The following LHFPL2 variants were observed in gnomAD, a reference collection of about 807,000 sequenced individuals.
The protein encoded by LHFPL2 is LHFPL tetraspan subfamily member 2, also known as LHFPL tetraspan subfamily member 2 protein.
A neutral mutation model predicts 17.5 loss-of-function variants in LHFPL2; 7 were observed. That is an observed-to-expected ratio of 0.40 (90% CI 0.23 to 0.75). The LOEUF is 0.75. Among genes scored for constraint, LHFPL2 ranks in the 30% least tolerant of loss-of-function variants. The probability of loss-of-function intolerance (pLI) is 0.37; values close to 1 mark genes in which losing one functional copy is unlikely to be tolerated. For missense variants in LHFPL2, 241 were observed against 294.8 expected (o/e 0.82, Z 1.34); for synonymous variants, 134 against 116.2 (o/e 1.15, Z -0.99).
At chr5:78,501,952 ACAAG>A (rs1034182540) in intron 4 of LHFPL2, among the ~76,000 whole-genome samples, 3 of 152,142 alleles carry the variant, frequency 2.0e-5, no homozygotes, top group Admixed American at 2.0e-4. Context: ...GATTTCAGAG[ACAAG>A]CAAGAGAAAA....
rs921588621 is a variant in LHFPL2, at chr5:78,648,064, G to A, written c.-350+435C>T. Among the ~76,000 whole-genome samples the A allele has an allele frequency of 3.9e-5, 6 of 152,162 alleles. No individual in the cohort carries two copies. Among genetic ancestry groups the A allele is most frequent in the African/African-American group, 1.4e-4 (6 of 41,442 alleles). ...ACCCACACGCCACGGACCAGGGACA[G>A]CAGGGGCGACCACGGGGCGGCCCCC... On this transcript the variant is annotated intron_variant, in intron 1 of 4. Coordinates refer to ENST00000380345, the MANE Select transcript of LHFPL2 (RefSeq NM_005779.3). This position sits in a 1 kb window ranked among gnomAD's most constrained non-coding sequence, Gnocchi z 5.4.
chr5:78,507,035 A>C (rs557769939), intron 4 of LHFPL2, among the ~76,000 whole-genome samples: 6 of 152,294 alleles, frequency 3.9e-5, no homozygotes, highest in African/African-American at 1.4e-4. Flanking sequence ...AAAAGTCAGA[A>C]AAAACTCACT....
intron 1 of LHFPL2, among the ~76,000 whole-genome samples, chr5:78,641,033 G>A (rs1174588458): frequency 6.6e-6 from 1 of 152,230 alleles, no homozygotes; most frequent in East Asian, 1.9e-4. Flanking sequence ...AGTACAGAGA[G>A]TAGGAGAGCC....
chr5:78,621,185 T>G (rs565439930), intron 2 of LHFPL2, among the ~76,000 whole-genome samples: 1 of 152,130 alleles, frequency 6.6e-6, no homozygotes, highest in Non-Finnish European at 1.5e-5. Context: ...CCTTAAAGGA[T>G]TCAGTATTCA....
chr5:78,609,351 T>C (rs1744332088), intron 2 of LHFPL2, among the ~76,000 whole-genome samples: 1 of 146,390 alleles, frequency 6.8e-6, no homozygotes, highest in Non-Finnish European at 1.5e-5. Flanking sequence ...TTTGGGAGGC[T>C]GAGGCAGGAG....
intron 3 of LHFPL2, among the ~76,000 whole-genome samples, chr5:78,545,051 T>G (rs1293987466): frequency 6.6e-6 from 1 of 152,140 alleles, no homozygotes; most frequent in African/African-American, 2.4e-5. Context: ...AAACACTCCC[T>G]TGTAGGAATT....
chr5:78,532,422 G>T (rs1755813730), intron 3 of LHFPL2, among the ~76,000 whole-genome samples: 1 of 152,072 alleles, frequency 6.6e-6, no homozygotes, highest in Non-Finnish European at 1.5e-5. Context: ...GCCTCCTGTG[G>T]TCATCCTACA....
chr5:78,536,701 T>C (rs1755959545), intron 3 of LHFPL2, among the ~76,000 whole-genome samples: 1 of 152,252 alleles, frequency 6.6e-6, no homozygotes, highest in East Asian at 1.9e-4. Context: ...TAAGTCATTA[T>C]GTCTATTATA....
At chr5:78,534,885 A>G (rs1026669350) in intron 3 of LHFPL2, among the ~76,000 whole-genome samples, 13 of 152,290 alleles carry the variant, frequency 8.5e-5, no homozygotes, top group Admixed American at 3.3e-4. Flanking sequence ...CTGGGGAGAA[A>G]CACTGCCAAA....
Position 78,648,323 on chromosome 5 carries a change from G to T in LHFPL2, c.-350+176C>A, listed in dbSNP as rs1745963356. ...CGCCCATCCCGCAGCACCTCCGACC[G>T]CTCGGCGCGGTCTCCCAGGGCGCCG... On this transcript the variant is annotated intron_variant, in intron 1 of 4. Transcript: ENST00000380345. The surrounding 1 kb of genome is among the most constrained non-coding windows in gnomAD (Gnocchi z 5.4). Among the ~76,000 whole-genome samples, 1 of 151,946 alleles carries T rather than the reference G, an allele frequency of 6.6e-6. No individual in the cohort carries two copies. Among genetic ancestry groups the T allele is most frequent in the South Asian group, 2.1e-4 (1 of 4,824 alleles).
chr5:78,512,767 C>CT (rs34696428), intron 3 of LHFPL2, among the ~76,000 whole-genome samples: 10,405 of 137,780 alleles, frequency 0.076, 1,016 homozygotes, highest in African/African-American at 0.23. Context: ...TTTTTCTTTT[C>CT]TTTTTTTTTT....
At chr5:78,574,435 AG>A (rs1164737612) in intron 2 of LHFPL2, among the ~76,000 whole-genome samples, 1 of 152,250 alleles carries the variant, frequency 6.6e-6, no homozygotes, top group African/African-American at 2.4e-5. Context: ...GTCTGGCCAG[AG>A]GGCCCAGCTC....
intron 1 of LHFPL2, among the ~76,000 whole-genome samples, chr5:78,637,780 C>A (rs1745507510): frequency 6.6e-6 from 1 of 152,224 alleles, no homozygotes; most frequent in Non-Finnish European, 1.5e-5. Context: ...GAATCCTAGG[C>A]CCTACCCAGC....
At chr5:78,523,519 CAA>C (rs1488448776) in intron 3 of LHFPL2, among the ~76,000 whole-genome samples, 2 of 151,892 alleles carry the variant, frequency 1.3e-5, no homozygotes, top group Non-Finnish European at 2.9e-5. Flanking sequence ...GGAAATCTGC[CAA>C]AGAGACAGAG....
At position 78,544,446 on chromosome 5, in the gene LHFPL2, TAG is replaced by T. The variant is rs1756207353; in HGVS notation, c.-186+20365_-186+20366del. On this transcript the variant is annotated intron_variant, in intron 3 of 4. Transcript: ENST00000380345. ...CTTCAGCACTCCTGAATTGACATAG[TAG>T]GGGACAGGGGTAGACATAAAAAAAA... Among the ~76,000 whole-genome samples, 10 of 152,200 alleles carry T rather than the reference TAG, an allele frequency of 6.6e-5. 1 individual carries two copies. In the South Asian group the frequency reaches 2.1e-3, roughly 32 times the overall value.
chr5:78,525,625 T>C (rs796946873), intron 3 of LHFPL2, among the ~76,000 whole-genome samples: 7 of 152,138 alleles, frequency 4.6e-5, no homozygotes, highest in African/African-American at 1.4e-4. Context: ...CCTTGGAGGA[T>C]AAAGTGGGGA....
intron 3 of LHFPL2, among the ~76,000 whole-genome samples, chr5:78,533,100 C>T (rs1755834883): frequency 6.6e-6 from 1 of 152,210 alleles, no homozygotes; most frequent in African/African-American, 2.4e-5. Flanking sequence ...TCTGCCTCCT[C>T]AGGATGCTAA....
intron 1 of LHFPL2, among the ~76,000 whole-genome samples, chr5:78,638,420 G>T (rs1745539637): frequency 6.6e-6 from 1 of 152,188 alleles, no homozygotes; most frequent in South Asian, 2.1e-4. Context: ...AGTTCTGATT[G>T]TGTCTCACAT....
At chr5:78,539,954 G>C (rs1163198327) in intron 3 of LHFPL2, among the ~76,000 whole-genome samples, 7 of 151,956 alleles carry the variant, frequency 4.6e-5, no homozygotes, top group Non-Finnish European at 7.4e-5. Context: ...GGACCACACA[G>C]TCGAGCATTT....
Sources: gnomAD v4.1 joint callset for allele counts (sites outside exome capture counted in the v4.1 genomes callset) on GRCh38, gnomAD v4.1.1 for gene constraint, Gnocchi (gnomAD v3.1) non-coding constraint, MANE v1.5 for transcripts, NCBI Gene and HGNC (gene_info 2026-07-23, HGNC 2026-07-21) for gene names.